SRSF6: variants seen among roughly 807,000 people sequenced by gnomAD.
SRSF6 encodes the protein serine/arginine-rich splicing factor 6.
SRSF6 carries 17 observed loss-of-function variants against 42.0 expected under a neutral mutation model. That is an observed-to-expected ratio of 0.40 (90% CI 0.28 to 0.61). SRSF6 has a LOEUF of 0.61. Ranked by LOEUF, SRSF6 falls within the 20% of genes least tolerant of loss-of-function variation. The pLI is 0.37. For synonymous variants in SRSF6, 204 were observed against 166.7 expected, an observed-to-expected ratio of 1.22 and a Z score of -1.72; for missense variants, 379 against 471.4, an observed-to-expected ratio of 0.80 and a Z score of 1.81.
At chr20:43,460,667 A>T in intron 5 of SRSF6, 36 bp from the exon 6 acceptor site, 1 of 1,612,352 alleles carries the variant, frequency 6.2e-7, no homozygotes, top group Non-Finnish European at 8.5e-7. Context: ...GTACATTCTC[A>T]CTAAGTATTG....
rs1188348835 is a variant in SRSF6, at chr20:43,463,375, C to A, written c.*2312C>A. 2 of 154,800 alleles carry A rather than the reference C, an allele frequency of 1.3e-5. No individual in the cohort carries two copies. Among genetic ancestry groups the A allele is most frequent in the Admixed American group, 1.3e-4 (2 of 15,282 alleles). The allele number at this position is 154,800 out of a possible 1,614,324, so 9.6% of individuals were successfully genotyped here. ...AGAAGAATGAGTTGATGACATGCTCCATACCAGTGGCTAGATGGAGTATTA... is the reference window on the plus strand; with the variant it reads ...AGAAGAATGAGTTGATGACATGCTCAATACCAGTGGCTAGATGGAGTATTA... On this transcript the variant is annotated 3_prime_UTR_variant, in exon 6 of 6. Coordinates refer to ENST00000244020, the MANE Select transcript of SRSF6 (RefSeq NM_006275.6).
intron 1 of SRSF6, 76 bp from the exon 2 acceptor site, chr20:43,458,285 G>T: frequency 7.1e-7 from 1 of 1,402,334 alleles, no homozygotes; most frequent in African/African-American, 1.5e-5. Context: ...GGCGCGCGGT[G>T]GGGTACGGGC....
Position 43,460,246 on chromosome 20 carries a change from C to T in SRSF6, c.590+5C>T. 6.2e-7 allele frequency: 1 copy of T among 1,613,940 alleles called. No homozygotes were observed. The highest frequency in any genetic ancestry group is 8.5e-7 in the Non-Finnish European group (1 of 1,179,824). ...TTACTCTGGAAGCAGATCCAGGTAACTTGTTGAAGGACACTGTGGGAAGGA... is the reference window on the plus strand; with the variant it reads ...TTACTCTGGAAGCAGATCCAGGTAATTTGTTGAAGGACACTGTGGGAAGGA... On this transcript the variant is annotated splice_donor_5th_base_variant and intron_variant, in intron 4 of 5. Transcript: ENST00000244020.
rs1415214593 is a variant in SRSF6, at chr20:43,458,523, C to G, written c.256+14C>G. 6.7e-7 allele frequency: 1 copy of G among 1,482,524 alleles called. No individual in the cohort carries two copies. Among genetic ancestry groups the G allele is most frequent in the Non-Finnish European group, 8.9e-7 (1 of 1,124,714 alleles). 91.8% of individuals were successfully genotyped at this position (1,482,524 alleles called of 1,614,324 possible). On this transcript the variant is annotated intron_variant, in intron 2 of 5. Transcript: ENST00000244020. ...ACGGAAGCCGCAGTGAGTCCCACCC[C>G]CGCGCGCTCCGCGCCCTTGGGGACC... is the stretch of plus-strand genomic sequence containing the variant.
At position 43,461,337 on chromosome 20, in the gene SRSF6, G is replaced by GTTTTGTT. The variant is rs2017589627; in HGVS notation, c.*278_*279insGTTTTTT. 4.6e-5 allele frequency: 2 copies of GTTTTGTT among 43,828 alleles called. No individual in the cohort carries two copies. The highest frequency in any genetic ancestry group is 8.2e-5 in the African/African-American group (1 of 12,240). The allele number at this position is 43,828 out of a possible 1,614,324, so 2.7% of individuals were successfully genotyped here. A position where few individuals can be genotyped will look rare whatever the true frequency, so the allele number is the denominator to read the frequency against. On this transcript the variant is annotated 3_prime_UTR_variant, in exon 6 of 6. Coordinates refer to ENST00000244020, the MANE Select transcript of SRSF6 (RefSeq NM_006275.6). ...GTAAAGATTAAGCTCATTTAGTGTTGTTTTTTTTTTTTTTTTTTTTTTTTT... is the reference window on the plus strand; with the variant it reads ...GTAAAGATTAAGCTCATTTAGTGTTGTTTTGTTTTTTTTTTTTTTTTTTTTTTTTTTT...
intron 1 of SRSF6, 104 bp from the exon 2 acceptor site, chr20:43,458,257 A>G (rs2017530582): frequency 7.8e-6 from 11 of 1,402,084 alleles, no homozygotes; most frequent in South Asian, 4.5e-5. Context: ...AAAGATGGCG[A>G]CGGCGCGGCG....
rs971946733 is a variant in SRSF6 at position 43,457,918 on chromosome 20, C to T, written c.-116C>T. The T allele has an allele frequency of 1.0e-4, 84 of 840,290 alleles. No individual in the cohort carries two copies. The highest frequency in any genetic ancestry group is 8.9e-4 in the South Asian group (57 of 64,058). 52.1% of individuals were successfully genotyped at this position (840,290 alleles called of 1,614,324 possible). A position where few individuals can be genotyped will look rare whatever the true frequency, so the allele number is the denominator to read the frequency against. ...GCCATTGTGTGGCTGGACTCGGCCGCCCCTGTGGTGTGAGGCGCGTGTTCG... is the reference window on the plus strand; with the variant it reads ...GCCATTGTGTGGCTGGACTCGGCCGTCCCTGTGGTGTGAGGCGCGTGTTCG... On this transcript the variant is annotated 5_prime_UTR_variant, in exon 1 of 6. Coordinates refer to ENST00000244020, the MANE Select transcript of SRSF6 (RefSeq NM_006275.6).
Position 43,463,294 on chromosome 20 carries a change from C to T in SRSF6, c.*2231C>T, listed in dbSNP as rs9208. ...ACAAAATCACTGTGTAACATTGGCT[C>T]ACTTGGTGAGCATAGGGTTGACTGA... On this transcript the variant is annotated 3_prime_UTR_variant, in exon 6 of 6. Transcript: ENST00000244020. 812 of 154,950 alleles carry T rather than the reference C, an allele frequency of 5.2e-3. 7 individuals are homozygous for T. Among genetic ancestry groups the T allele is most frequent in the African/African-American group, 0.018 (759 of 41,638 alleles). 9.6% of individuals were successfully genotyped at this position (154,950 alleles called of 1,614,324 possible).
At position 43,457,914 on chromosome 20, in the gene SRSF6, G is replaced by A. The variant is rs546200221; in HGVS notation, c.-120G>A. ...GCGCGCCATTGTGTGGCTGGACTCG[G>A]CCGCCCCTGTGGTGTGAGGCGCGTG... On this transcript the variant is annotated 5_prime_UTR_variant, in exon 1 of 6. Coordinates refer to ENST00000244020, the MANE Select transcript of SRSF6 (RefSeq NM_006275.6). The A allele has an allele frequency of 7.8e-6, 6 of 770,566 alleles. No homozygotes were observed. In the Admixed American group the frequency reaches 1.1e-4, roughly 14 times the overall value. The allele number at this position is 770,566 out of a possible 1,614,324, so 47.7% of individuals were successfully genotyped here. A position where few individuals can be genotyped will look rare whatever the true frequency, so the allele number is the denominator to read the frequency against.
At position 43,457,962 on chromosome 20, in the gene SRSF6, A is replaced by C; in HGVS notation, c.-72A>C. The C allele has an allele frequency of 7.6e-7, 1 of 1,318,268 alleles. No homozygotes were observed. Among genetic ancestry groups the C allele is most frequent in the South Asian group, 1.2e-5 (1 of 81,516 alleles). 81.7% of individuals were successfully genotyped at this position (1,318,268 alleles called of 1,614,324 possible). A position where few individuals can be genotyped will look rare whatever the true frequency, so the allele number is the denominator to read the frequency against. ...GTGTTCGGGCTCTTGCCGTCCCCGC[A>C]CCCGCACCGCGGTTACTGGCTTGCG... On this transcript the variant is annotated 5_prime_UTR_variant, in exon 1 of 6. Transcript: ENST00000244020.
chr20:43,460,143 C>T lies in SRSF6; in HGVS notation c.492C>T (p.Asp164=). The part of the protein sequence containing the change: ...RSYSDMKRAL[D]KLDGTEINGR... ...ACTCTGACATGAAGCGTGCTTTGGA[C>T]AAACTGGATGGCACAGAAATAAATG... Residue 164 remains aspartate, a synonymous_variant, in exon 4 of 6, where the codon GAC becomes GAT. Transcript: ENST00000244020. The T allele has an allele frequency of 6.2e-7, 1 of 1,614,136 alleles. No individual in the cohort carries two copies.
chr20:43,461,933 G>A lies in SRSF6; in HGVS notation c.*870G>A, dbSNP rs376069175. 1.3e-5 allele frequency: 2 copies of A among 152,168 alleles called. No individual in the cohort carries two copies. Among genetic ancestry groups the A allele is most frequent in the East Asian group, 1.9e-4 (1 of 5,202 alleles). The allele number at this position is 152,168 out of a possible 1,614,324, so 9.4% of individuals were successfully genotyped here. The stretch of plus-strand genomic sequence containing the variant: ...TCTCAGCATAATTAGTGTTGAGAGT[G>A]GTTCAGTTGTCTTTAATGTTTGTCA... On this transcript the variant is annotated 3_prime_UTR_variant, in exon 6 of 6. Coordinates refer to ENST00000244020, the MANE Select transcript of SRSF6 (RefSeq NM_006275.6).
intron 2 of SRSF6, 103 bp from the exon 3 acceptor site, chr20:43,459,668 C>G: frequency 1.3e-6 from 2 of 1,558,584 alleles, no homozygotes; most frequent in Non-Finnish European, 1.8e-6. Flanking sequence ...ATAGCAAAGT[C>G]CTACTCCAGT....
intron 2 of SRSF6, among the ~76,000 whole-genome samples, 170 bp from the exon 3 acceptor site, chr20:43,459,601 T>C (rs1337915269): frequency 6.6e-6 from 1 of 152,264 alleles, no homozygotes; most frequent in Non-Finnish European, 1.5e-5. Flanking sequence ...TCTATTTGAC[T>C]TGCCCTTAAT....
At chr20:43,458,881 G>A (rs1346558555) in intron 2 of SRSF6, among the ~76,000 whole-genome samples, 1 of 151,546 alleles carries the variant, frequency 6.6e-6, no homozygotes, top group African/African-American at 2.4e-5. Flanking sequence ...GGTGGGGTAG[G>A]GGGCGCGGGG....
chr20:43,458,887 C>T (rs916333468), intron 2 of SRSF6, among the ~76,000 whole-genome samples: 1 of 7,156 alleles, frequency 1.4e-4, no homozygotes, highest in African/African-American at 6.0e-4. Flanking sequence ...GTAGGGGGCG[C>T]GGGGGACGGG....
Position 43,458,157 on chromosome 20 carries a change from C to G in SRSF6, c.107+17C>G, listed in dbSNP as rs562205542. 1 of 1,607,104 alleles carries G rather than the reference C, an allele frequency of 6.2e-7. No homozygotes were observed. Among genetic ancestry groups the G allele is most frequent in the Admixed American group, 1.7e-5 (1 of 59,644 alleles). On this transcript the variant is annotated intron_variant, in intron 1 of 5. Transcript: ENST00000244020. ...CAAAAATGGGTGAGTCGGGCCTGGG[C>G]GCCCGCGCCCAGCGTCCCAGGCCTG...
At position 43,464,000 on chromosome 20, in the gene SRSF6, C is replaced by G. The variant is rs1394276315; in HGVS notation, c.*2937C>G. 3.9e-5 allele frequency: 6 copies of G among 152,174 alleles called. No individual in the cohort carries two copies. Among genetic ancestry groups the G allele is most frequent in the African/African-American group, 1.2e-4 (5 of 41,440 alleles). 9.4% of individuals were successfully genotyped at this position (152,174 alleles called of 1,614,324 possible). ...TATCTGCTCAAGAGATTTCTATGATCATATAAAAATGCCTTTTTAGGTTTT... is the reference window on the plus strand; with the variant it reads ...TATCTGCTCAAGAGATTTCTATGATGATATAAAAATGCCTTTTTAGGTTTT... On this transcript the variant is annotated 3_prime_UTR_variant, in exon 6 of 6. Coordinates refer to ENST00000244020, the MANE Select transcript of SRSF6 (RefSeq NM_006275.6).
At chr20:43,458,268 T>C (rs142455728) in intron 1 of SRSF6, 93 bp from the exon 2 acceptor site, 6 of 1,397,416 alleles carry the variant, frequency 4.3e-6, no homozygotes, top group African/African-American at 1.5e-5. Context: ...CGGCGCGGCG[T>C]CGCGGGGGCG....
Sources: allele counts gnomAD v4.1 joint callset (sites outside exome capture counted in the v4.1 genomes callset), GRCh38; gene constraint gnomAD v4.1.1; transcripts MANE v1.5; gene names NCBI Gene and HGNC (gene_info 2026-07-23, HGNC 2026-07-21).